XPOT: variants seen among roughly 807,000 people sequenced by gnomAD.
The protein encoded by XPOT is exportin-T.
A neutral mutation model predicts 128.2 loss-of-function variants in XPOT; 34 were observed. That is an observed-to-expected ratio of 0.27 (90% CI 0.20 to 0.35). XPOT has a LOEUF of 0.35. Among genes scored for constraint, XPOT ranks in the 10% least tolerant of loss-of-function variants. The pLI, the probability that XPOT is intolerant of heterozygous loss-of-function variation, is 1.00. For synonymous variants in XPOT, 348 were observed against 394.3 expected, an observed-to-expected ratio of 0.88 and a Z score of 1.39; for missense variants, 838 against 1,125.3, an observed-to-expected ratio of 0.74 and a Z score of 3.65.
In XPOT at chr12:64,428,131, G is replaced by T. The variant is rs776894127; in HGVS notation, c.1737+11G>T. ...GAGCTTTCTCCACCTGTAAGTATCT[G>T]TCTCTTTAAGATATTTTACCCAGAA... On this transcript the variant is annotated intron_variant, in intron 16 of 24. Transcript: ENST00000332707. 6.6e-7 allele frequency: 1 copy of T among 1,509,238 alleles called. No homozygotes were observed. Among genetic ancestry groups the T allele is most frequent in the Non-Finnish European group, 9.2e-7 (1 of 1,089,874 alleles). 93.5% of individuals were successfully genotyped at this position (1,509,238 alleles called of 1,614,324 possible).
Position 64,448,252 on chromosome 12 carries a change from T to C in XPOT, c.*121T>C. ...ATTGTTTTGAGCTTATTGCAGTATA[T>C]GTTTTGGGATTTTTCTGTAAAATGG... On this transcript the variant is annotated 3_prime_UTR_variant, in exon 25 of 25. Transcript: ENST00000332707. The C allele has an allele frequency of 9.9e-7, 1 of 1,014,780 alleles. No homozygotes were observed. The highest frequency in any genetic ancestry group is 2.4e-5 in the East Asian group (1 of 41,554). 62.9% of individuals were successfully genotyped at this position (1,014,780 alleles called of 1,614,324 possible).
intron 3 of XPOT, among the ~76,000 whole-genome samples, chr12:64,416,476 T>C (rs1042423593): frequency 2.6e-5 from 4 of 152,238 alleles, no homozygotes; most frequent in African/African-American, 9.6e-5. Context: ...AGTTTGCTTG[T>C]CAGATTTAAT....
intron 3 of XPOT, among the ~76,000 whole-genome samples, chr12:64,416,231 C>G (rs982779470): frequency 1.2e-4 from 19 of 152,198 alleles, no homozygotes; most frequent in African/African-American, 4.3e-4. Context: ...CCATGTGGCC[C>G]TGCTTGTTTT....
chr12:64,436,408 T>A (rs1337139393), intron 22 of XPOT, among the ~76,000 whole-genome samples: 6 of 151,824 alleles, frequency 4.0e-5, no homozygotes, highest in Non-Finnish European at 5.9e-5. Context: ...CACAGATGCA[T>A]GCTACCACAC....
At chr12:64,446,866 A>G (rs1304059084) in intron 24 of XPOT, among the ~76,000 whole-genome samples, 3 of 152,176 alleles carry the variant, frequency 2.0e-5, no homozygotes, top group Non-Finnish European at 4.4e-5. Context: ...TGAATCTCCT[A>G]GGTACTAGGG....
Position 64,430,161 on chromosome 12 carries a change from T to C in XPOT, c.1850T>C (p.Met617Thr). The change falls in exon 17 of 25, where the codon ATG becomes ACG. Residue 617 changes from methionine (M) to threonine (T), a missense_variant. Coordinates refer to ENST00000332707, the MANE Select transcript of XPOT (RefSeq NM_007235.6). The part of the protein sequence containing the change: ...EYPAERKQAL[M>T]RNLLTPLMEK... ...CCGGCAGAAAGGAAACAAGCCTTAA[T>C]GAGGAATCTGTTGACTCCACTAATG... 6.2e-7 allele frequency: 1 copy of C among 1,613,968 alleles called. No homozygotes were observed. The highest frequency in any genetic ancestry group is 8.5e-7 in the Non-Finnish European group (1 of 1,179,940).
chr12:64,418,447 T>C (rs1380813354), intron 5 of XPOT, among the ~76,000 whole-genome samples: 2 of 152,196 alleles, frequency 1.3e-5, no homozygotes, highest in African/African-American at 4.8e-5. Flanking sequence ...CCAGAGCCCT[T>C]TATAAAGGGC....
rs772832821 is a variant in XPOT, at chr12:64,420,497, T to C, written c.819T>C (p.Ser273=). 9 of 1,611,936 alleles carry C rather than the reference T, an allele frequency of 5.6e-6. No individual in the cohort carries two copies. Among genetic ancestry groups the C allele is most frequent in the Non-Finnish European group, 6.8e-6 (8 of 1,179,328 alleles). ...AATCTTTGTGTCAAGTATTACAGTCTGCTGGGTTTTTCAGCATTGACCAGG... is the reference window on the plus strand; with the variant it reads ...AATCTTTGTGTCAAGTATTACAGTCCGCTGGGTTTTTCAGCATTGACCAGG... The part of the protein sequence containing the change: ...LVESLCQVLQ[S]AGFFSIDQEE... The change falls in exon 8 of 25, where the codon TCT becomes TCC. Residue 273 remains serine, a synonymous_variant. Coordinates refer to ENST00000332707, the MANE Select transcript of XPOT (RefSeq NM_007235.6).
intron 24 of XPOT, among the ~76,000 whole-genome samples, chr12:64,446,067 T>C (rs1047648738): frequency 6.6e-6 from 1 of 152,164 alleles, no homozygotes; most frequent in African/African-American, 2.4e-5. Context: ...AGGGCTTGTT[T>C]TTGTTTATCA....
intron 2 of XPOT, among the ~76,000 whole-genome samples, chr12:64,411,351 C>G (rs1254280765): frequency 1.3e-5 from 2 of 152,032 alleles, no homozygotes; most frequent in African/African-American, 2.4e-5. Flanking sequence ...TATTAAATGG[C>G]CTTTACTGTT....
intron 4 of XPOT, among the ~76,000 whole-genome samples, chr12:64,417,048 C>A (rs2040093683): frequency 6.6e-6 from 1 of 152,006 alleles, no homozygotes; most frequent in Admixed American, 6.6e-5. Context: ...GAAACCCCGT[C>A]TCTACAAAAA....
chr12:64,434,559 A>T lies in XPOT; in HGVS notation c.2505A>T (p.Glu835Asp). The change falls in exon 20 of 25, where the codon GAA becomes GAT. Residue 835 changes from glutamate (E) to aspartate (D), a missense_variant. By Grantham distance (45) the Glu-to-Asp change is conservative. Coordinates refer to ENST00000332707, the MANE Select transcript of XPOT (RefSeq NM_007235.6). ...TTACTGTTATCCAAGGAGCAGTTGA[A>T]TATCCAGATCCAATTGCACAGAAAA... ...VLVTVIQGAVEYPDPIAQKTC... is the reference protein window; with the variant it reads ...VLVTVIQGAVDYPDPIAQKTC... 6.2e-7 allele frequency: 1 copy of T among 1,614,032 alleles called. No homozygotes were observed. The highest frequency in any genetic ancestry group is 1.1e-5 in the South Asian group (1 of 91,076).
intron 20 of XPOT, 47 bp from the exon 21 acceptor site, chr12:64,434,747 T>C (rs758225898): frequency 1.9e-6 from 3 of 1,583,946 alleles, no homozygotes; most frequent in Non-Finnish European, 1.7e-6. Context: ...GATGAATTAA[T>C]TGACTTACTT....
At chr12:64,416,266 G>C (rs1254994049) in intron 3 of XPOT, among the ~76,000 whole-genome samples, 1 of 152,188 alleles carries the variant, frequency 6.6e-6, no homozygotes, top group African/African-American at 2.4e-5. Flanking sequence ...TAGAACTACT[G>C]GGGTTGAATT....
intron 6 of XPOT, among the ~76,000 whole-genome samples, chr12:64,419,352 C>G (rs902913159): frequency 5.3e-5 from 8 of 152,128 alleles, no homozygotes; most frequent in Admixed American, 1.3e-4. Flanking sequence ...GAGTCTTGCT[C>G]TGTTCCCCAG....
At chr12:64,413,303 A>G (rs1258486782) in intron 2 of XPOT, among the ~76,000 whole-genome samples, 1 of 152,116 alleles carries the variant, frequency 6.6e-6, no homozygotes, top group Admixed American at 6.5e-5. Flanking sequence ...GGGTCCCACT[A>G]TGTTGCCCAG....
intron 2 of XPOT, among the ~76,000 whole-genome samples, chr12:64,414,543 A>G (rs1034524463): frequency 2.0e-5 from 3 of 152,178 alleles, no homozygotes; most frequent in Non-Finnish European, 4.4e-5. Flanking sequence ...ATAATTGCAT[A>G]TTATAAAATG....
In XPOT at chr12:64,430,262, C is replaced by G; in HGVS notation, c.1951C>G (p.Leu651Val). The G allele has an allele frequency of 6.3e-7, 1 of 1,588,218 alleles. No individual in the cohort carries two copies. The highest frequency in any genetic ancestry group is 8.5e-7 in the Non-Finnish European group (1 of 1,170,742). Residue 651 changes from leucine to valine, a missense_variant, in exon 17 of 25, where the codon CTT (leucine) becomes GTT (valine). This residue lies in a region of XPOT where 761 missense variants were observed against 988.3 expected (regional missense o/e 0.77). Transcript: ENST00000332707. The part of the protein sequence containing the change: ...EERQASLADC[L>V]NHAVGFASRT... ...AAGGCAAGCCTCTCTAGCAGACTGT[C>G]TTAACCATGCTGTTGGATTTGCAAG...
chr12:64,416,315 G>T (rs1172168605), intron 3 of XPOT, among the ~76,000 whole-genome samples: 1 of 152,184 alleles, frequency 6.6e-6, no homozygotes, highest in African/African-American at 2.4e-5. Flanking sequence ...CTTTCACTCA[G>T]ACTCTGTCTG....
Sources: allele counts gnomAD v4.1 joint callset (sites outside exome capture counted in the v4.1 genomes callset), GRCh38; gene constraint gnomAD v4.1.1; regional missense constraint gnomAD v4.1.1; transcripts MANE v1.5; gene names NCBI Gene and HGNC (gene_info 2026-07-23, HGNC 2026-07-21).